The following CENPH variants were observed in gnomAD, a reference collection of about 807,000 sequenced individuals.
CENPH encodes CENP-H.
In CENPH, 40 loss-of-function variants were observed where a neutral mutation model predicts 42.9. The observed-to-expected ratio is 0.93, with a 90% confidence interval of 0.72 to 1.21. The LOEUF (loss-of-function observed/expected upper bound fraction) is 1.21. Ranked by LOEUF, CENPH falls within the 50% of genes most tolerant of loss-of-function variation. The probability of loss-of-function intolerance (pLI) is 0.00; values close to 1 mark genes in which losing one functional copy is unlikely to be tolerated. For missense variants in CENPH, 302 were observed against 292.9 expected, an observed-to-expected ratio of 1.03 and a Z score of -0.23; for synonymous variants, 88 against 96.5, an observed-to-expected ratio of 0.91 and a Z score of 0.52.
intron 5 of CENPH, among the ~76,000 whole-genome samples, chr5:69,198,065 C>A (rs765067720): frequency 6.6e-6 from 1 of 151,612 alleles, no homozygotes; most frequent in African/African-American, 2.4e-5. Context: ...GGACTACAGG[C>A]GCCCACCACC....
chr5:69,208,353 G>A lies in CENPH; in HGVS notation c.645G>A (p.Val215=). The A allele has an allele frequency of 6.3e-7, 1 of 1,584,110 alleles. No individual in the cohort carries two copies. Among genetic ancestry groups the A allele is most frequent in the Non-Finnish European group, 8.6e-7 (1 of 1,159,136 alleles). Residue 215 remains valine (V), a synonymous_variant, in exon 8 of 9, where the codon GTG becomes GTA. Coordinates refer to ENST00000283006, the MANE Select transcript of CENPH (RefSeq NM_022909.4). ...EIKITTVIQH[V]FQNLILGSKV... ...AAATTACTACTGTTATTCAACATGT[G>A]TTCCAGGTAACATTTATATAAACTA...
rs1216220501 is a variant in CENPH, at chr5:69,197,049, A to G, written c.315-4A>G. ...TTATAATGCAAGCTTTTTCCCTCTCATAGGATGAGACTTTCAACTGCACTT... is the reference window on the plus strand; with the variant it reads ...TTATAATGCAAGCTTTTTCCCTCTCGTAGGATGAGACTTTCAACTGCACTT... On this transcript the variant is annotated splice_region_variant and splice_polypyrimidine_tract_variant and intron_variant, in intron 4 of 8. Transcript: ENST00000283006. The G allele has an allele frequency of 1.3e-6, 2 of 1,559,180 alleles. No homozygotes were observed. The highest frequency in any genetic ancestry group is 2.3e-5 in the East Asian group (1 of 43,436).
chr5:69,200,719 C>CTTTTTTTTTTTT lies in CENPH; in HGVS notation c.372-1764_372-1753dup, dbSNP rs70992906. Among the ~76,000 whole-genome samples the CTTTTTTTTTTTT allele has an allele frequency of 1.4e-3, 66 of 46,916 alleles. 14 individuals are homozygous for CTTTTTTTTTTTT. The highest frequency in any genetic ancestry group is 1.5e-3 in the African/African-American group (22 of 14,312). 30.8% of individuals were successfully genotyped at this position (46,916 alleles called of 152,430 possible). A position where few individuals can be genotyped will look rare whatever the true frequency, so the allele number is the denominator to read the frequency against. ...TCCCAAACTTTCTGAATCAGCGTAT[C>CTTTTTTTTTTTT]TTTTTTTTTTTTTTTTTTTTTTTTT... On this transcript the variant is annotated intron_variant, in intron 5 of 8. Coordinates refer to ENST00000283006, the MANE Select transcript of CENPH (RefSeq NM_022909.4).
intron 5 of CENPH, among the ~76,000 whole-genome samples, chr5:69,200,307 A>G (rs886434571): frequency 3.3e-5 from 5 of 152,160 alleles, no homozygotes; most frequent in African/African-American, 1.2e-4. Flanking sequence ...GTAAAATGGA[A>G]CTTAAGCTTA....
In CENPH at chr5:69,202,492, TG is replaced by T. The variant is rs771926139; in HGVS notation, c.372-13del. On this transcript the variant is annotated splice_polypyrimidine_tract_variant and intron_variant, in intron 5 of 8. Coordinates refer to ENST00000283006, the MANE Select transcript of CENPH (RefSeq NM_022909.4). Reference sequence around the variant, plus strand: ...AAATAACCTTAATAAATCATCTTTTTGTTTCCTTTTCAGTGTGCTCATGGAT... The same window carrying T: ...AAATAACCTTAATAAATCATCTTTTTTTTCCTTTTCAGTGTGCTCATGGAT... 1.4e-6 allele frequency: 2 copies of T among 1,441,774 alleles called. No individual in the cohort carries two copies. The highest frequency in any genetic ancestry group is 9.6e-7 in the Non-Finnish European group (1 of 1,039,186). The allele number at this position is 1,441,774 out of a possible 1,614,324, so 89.3% of individuals were successfully genotyped here.
chr5:69,209,404 G>C (rs1041056291), intron 8 of CENPH, among the ~76,000 whole-genome samples: 3 of 152,004 alleles, frequency 2.0e-5, no homozygotes, highest in East Asian at 1.9e-4. Flanking sequence ...CGGGTGTGGT[G>C]GTGGGCGCCT....
At chr5:69,190,103 G>A (rs1246832028) in intron 1 of CENPH, among the ~76,000 whole-genome samples, 1 of 152,084 alleles carries the variant, frequency 6.6e-6, no homozygotes, top group Non-Finnish European at 1.5e-5. Flanking sequence ...GAGCTAAACT[G>A]GAAGGAAGGT....
intron 5 of CENPH, among the ~76,000 whole-genome samples, chr5:69,200,522 A>G (rs1398149505): frequency 6.6e-6 from 1 of 152,120 alleles, no homozygotes. Flanking sequence ...GCCTAAATTT[A>G]TCTTTTAAGA....
At chr5:69,197,523 C>T (rs1178778679) in intron 5 of CENPH, 1 of 152,980 alleles carries the variant, frequency 6.5e-6, no homozygotes, top group Admixed American at 6.5e-5. Context: ...AATATAAAGA[C>T]TAGCAGGTCT....
intron 5 of CENPH, among the ~76,000 whole-genome samples, chr5:69,198,034 C>G (rs1747994899): frequency 6.6e-6 from 1 of 150,906 alleles, no homozygotes; most frequent in African/African-American, 2.4e-5. Context: ...CATTCTCCTG[C>G]CTCAGCCTCC....
intron 7 of CENPH, among the ~76,000 whole-genome samples, chr5:69,207,334 A>G (rs1728431775): frequency 6.6e-6 from 1 of 151,716 alleles, no homozygotes; most frequent in Non-Finnish European, 1.5e-5. Context: ...GATTATAGGC[A>G]CATGTCACCA....
In CENPH at chr5:69,196,594, G is replaced by A. The variant is rs535265714; in HGVS notation, c.315-459G>A. Among the ~76,000 whole-genome samples, 4 of 152,292 alleles carry A rather than the reference G, an allele frequency of 2.6e-5. No homozygotes were observed. The East Asian group carries it at 7.7e-4, about 29-fold the overall frequency. ...CAGGAGGCAGAGGTTGCAGTGAGCC[G>A]AGATGACGCCACTGTGCACTCCATT... is the stretch of plus-strand genomic sequence containing the variant. On this transcript the variant is annotated intron_variant, in intron 4 of 8. Transcript: ENST00000283006.
chr5:69,209,870 TTGTC>T lies in CENPH; in HGVS notation c.*76_*79del, dbSNP rs374838407. The stretch of plus-strand genomic sequence containing the variant: ...TCTTATTTGGAATACTTCTGTGCAT[TTGTC>T]TGTCCACCGTAATTTTAGAAAAGCA... On this transcript the variant is annotated 3_prime_UTR_variant, in exon 9 of 9. Coordinates refer to ENST00000283006, the MANE Select transcript of CENPH (RefSeq NM_022909.4). The T allele has an allele frequency of 7.8e-4, 662 of 853,920 alleles. 10 individuals carry two copies. The South Asian group carries it at 9.2e-3, about 12-fold the overall frequency. 52.9% of individuals were successfully genotyped at this position (853,920 alleles called of 1,614,324 possible).
intron 5 of CENPH, among the ~76,000 whole-genome samples, chr5:69,201,057 C>T (rs1748053435): frequency 6.6e-6 from 1 of 150,914 alleles, no homozygotes; most frequent in Non-Finnish European, 1.5e-5. Context: ...AACTCCTGAG[C>T]TCAAGCAATC....
intron 5 of CENPH, among the ~76,000 whole-genome samples, chr5:69,201,071 C>G (rs540357359): frequency 6.6e-6 from 1 of 151,616 alleles, no homozygotes; most frequent in Non-Finnish European, 1.5e-5. Flanking sequence ...AGCAATCCTC[C>G]TGCCTCAGCC....
At chr5:69,202,847 C>G (rs1331396441) in intron 6 of CENPH, 72 bp from the exon 7 acceptor site, 2 of 917,968 alleles carry the variant, frequency 2.2e-6, no homozygotes, top group Admixed American at 5.0e-5. Context: ...TAGATAAACT[C>G]AGTGATTTAA....
Position 69,196,527 on chromosome 5 carries a change from C to G in CENPH, c.315-526C>G, listed in dbSNP as rs1747966876. 1.3e-5 allele frequency among the ~76,000 whole-genome samples: 2 copies of G among 152,208 alleles called. 1 individual carries two copies. Among genetic ancestry groups the G allele is most frequent in the Middle Eastern group, 6.8e-3 (2 of 294 alleles). ...AGGTGTGGTGGTGTGTGCCTGTAAT[C>G]CCAGCTACTAGGGAGGCTGAGGCAG... is the stretch of plus-strand genomic sequence containing the variant. On this transcript the variant is annotated intron_variant, in intron 4 of 8. Transcript: ENST00000283006.
intron 6 of CENPH, 132 bp from the exon 7 acceptor site, chr5:69,202,787 G>C: frequency 1.5e-6 from 1 of 645,842 alleles, no homozygotes; most frequent in Non-Finnish European, 2.7e-6. Flanking sequence ...TCCTTTTGCT[G>C]TCTGGAAATA....
In CENPH at chr5:69,207,533, C is replaced by T. The variant is rs147670515; in HGVS notation, c.488-663C>T. 5.7e-3 allele frequency among the ~76,000 whole-genome samples: 833 copies of T among 145,984 alleles called. 5 individuals carry two copies. The highest frequency in any genetic ancestry group is 0.019 in the African/African-American group (749 of 40,356). Reference sequence around the variant, plus strand: ...TGAAAAGTAAGATTCCTTGGCCGGGCGCGGTGGCTCACGCCTGTAATCTCA... The same window carrying T: ...TGAAAAGTAAGATTCCTTGGCCGGGTGCGGTGGCTCACGCCTGTAATCTCA... On this transcript the variant is annotated intron_variant, in intron 7 of 8. Transcript: ENST00000283006.
Sources: allele counts gnomAD v4.1 joint callset (sites outside exome capture counted in the v4.1 genomes callset), GRCh38; gene constraint gnomAD v4.1.1; transcripts MANE v1.5; gene names NCBI Gene and HGNC (gene_info 2026-07-23, HGNC 2026-07-21).